KANSL1: variants seen among roughly 807,000 people sequenced by gnomAD.
The protein encoded by KANSL1 is MLL1/MLL complex subunit KANSL1.
In KANSL1, 22 loss-of-function variants were observed where a neutral mutation model predicts 103.6. The observed-to-expected ratio is 0.21, with a 90% CI of 0.15 to 0.30. The LOEUF (loss-of-function observed/expected upper bound fraction) is 0.30, where lower values mean the gene tolerates loss of function less well. KANSL1 is among the 10% of genes least tolerant of loss of function. The pLI is 1.00. For missense variants in KANSL1, 1,337 were observed against 1,399.8 expected, an observed-to-expected ratio of 0.96 and a Z score of 0.72; for synonymous variants, 600 against 527.6, an observed-to-expected ratio of 1.14 and a Z score of -1.88.
At chr17:46,051,716 T>C (rs940444277) in intron 6 of KANSL1, among the ~76,000 whole-genome samples, 4 of 152,282 alleles carry the variant, frequency 2.6e-5, no homozygotes, top group East Asian at 3.9e-4. Context: ...AGCTCAGTAG[T>C]AGAACAAAGA....
chr17:46,152,009 C>G (rs936354815), intron 2 of KANSL1, among the ~76,000 whole-genome samples: 4 of 152,008 alleles, frequency 2.6e-5, no homozygotes, highest in African/African-American at 9.7e-5. Context: ...GTGGTACAAC[C>G]ACAGGACTTC....
intron 4 of KANSL1, among the ~76,000 whole-genome samples, chr17:46,078,508 T>TCC (rs1332575795): frequency 1.3e-5 from 2 of 148,308 alleles, no homozygotes; most frequent in Non-Finnish European, 3.0e-5. Flanking sequence ...ACTATTCCCC[T>TCC]CCTTCAATTT....
chr17:46,113,633 G>A (rs141129239), intron 2 of KANSL1, among the ~76,000 whole-genome samples: 3 of 145,716 alleles, frequency 2.1e-5, no homozygotes, highest in Non-Finnish European at 4.5e-5. Flanking sequence ...TCATGAGTTG[G>A]ACTAAAAAAA....
At chr17:46,154,981 T>G (rs2045336598) in intron 2 of KANSL1, among the ~76,000 whole-genome samples, 1 of 152,158 alleles carries the variant, frequency 6.6e-6, no homozygotes, top group Non-Finnish European at 1.5e-5. Context: ...AATTTTAGTT[T>G]CCTTACCATA....
rs543051087 is a variant in KANSL1, at chr17:46,074,938, G to C, written c.1534-7271C>G. ...AAGTCAAAATCATGAACCCCCTGTG[G>C]TGTAGAGAAGGGTACAGTATCTTCT... On this transcript the variant is annotated intron_variant, in intron 4 of 14. Coordinates refer to ENST00000432791, the MANE Select transcript of KANSL1 (RefSeq NM_015443.4). 6.6e-5 allele frequency among the ~76,000 whole-genome samples: 10 copies of C among 152,202 alleles called. No homozygotes were observed. The East Asian group carries it at 1.9e-3, about 29-fold the overall frequency.
chr17:46,132,213 C>G (rs925714067), intron 2 of KANSL1, among the ~76,000 whole-genome samples: 2 of 152,124 alleles, frequency 1.3e-5, no homozygotes, highest in African/African-American at 4.8e-5. Flanking sequence ...AGAGAAAGGT[C>G]AGGGCAGTTT....
At chr17:46,190,024 C>T (rs909057286) in intron 1 of KANSL1, among the ~76,000 whole-genome samples, 1 of 152,148 alleles carries the variant, frequency 6.6e-6, no homozygotes, top group African/African-American at 2.4e-5. Flanking sequence ...AACCACAACA[C>T]CCCTATGTTT....
chr17:46,039,275 G>T, intron 8 of KANSL1, 60 bp from the exon 9 acceptor site: 6 of 1,461,910 alleles, frequency 4.1e-6, no homozygotes, highest in Non-Finnish European at 4.6e-6. Context: ...TTTCTTATTC[G>T]AGTTCCAAGC....
intron 3 of KANSL1, among the ~76,000 whole-genome samples, chr17:46,090,007 C>T (rs1187632437): frequency 6.6e-6 from 1 of 152,140 alleles, no homozygotes; most frequent in Non-Finnish European, 1.5e-5. Flanking sequence ...TGAATATGAC[C>T]TTGTTTAGAA....
chr17:46,056,571 G>GT (rs111853257), intron 6 of KANSL1, among the ~76,000 whole-genome samples: 21,654 of 152,134 alleles, frequency 0.14, 2,096 homozygotes, highest in Non-Finnish European at 0.22. Context: ...TTGTAAAACC[G>GT]TAAGTATAGC....
At chr17:46,185,235 G>C (rs1162850309) in intron 1 of KANSL1, among the ~76,000 whole-genome samples, 1 of 152,212 alleles carries the variant, frequency 6.6e-6, no homozygotes, top group Non-Finnish European at 1.5e-5. Flanking sequence ...AGCAACCTGA[G>C]CATTCTATGC....
intron 2 of KANSL1, among the ~76,000 whole-genome samples, chr17:46,110,667 C>G (rs1396786466): frequency 6.6e-6 from 1 of 152,072 alleles, no homozygotes; most frequent in Admixed American, 6.5e-5. Flanking sequence ...TGAAAAGATG[C>G]TGAAACAAAT....
intron 2 of KANSL1, among the ~76,000 whole-genome samples, chr17:46,122,928 T>G (rs1299784712): frequency 6.6e-6 from 1 of 152,216 alleles, no homozygotes; most frequent in Admixed American, 6.5e-5. Flanking sequence ...GTTTCCCTAT[T>G]CCCTGAAACA....
chr17:46,068,465 G>A (rs1257348821), intron 4 of KANSL1, among the ~76,000 whole-genome samples: 1 of 152,090 alleles, frequency 6.6e-6, no homozygotes, highest in Non-Finnish European at 1.5e-5. Flanking sequence ...TACTCAGGAG[G>A]CTGAGGTGGG....
chr17:46,033,347 A>G (rs2077062716), intron 12 of KANSL1, 56 bp downstream of exon 12: 1 of 1,551,550 alleles, frequency 6.4e-7, no homozygotes, highest in Non-Finnish European at 8.9e-7. Context: ...GTGCACTCAT[A>G]TGTATGTGTG....
chr17:46,031,806 C>CT, intron 14 of KANSL1, 103 bp from the exon 15 acceptor site: 1 of 1,164,838 alleles, frequency 8.6e-7, no homozygotes, highest in Non-Finnish European at 1.2e-6. Flanking sequence ...TAGGACCAGT[C>CT]TATCTAGTGT....
intron 2 of KANSL1, among the ~76,000 whole-genome samples, chr17:46,135,542 A>AT (rs34258265): frequency 0.011 from 1,288 of 119,018 alleles, 14 homozygotes; most frequent in African/African-American, 0.019. Context: ...TCAACTATAC[A>AT]TTTTTTTTTT....
chr17:46,139,686 G>A (rs1190499896), intron 2 of KANSL1, among the ~76,000 whole-genome samples: 1 of 152,128 alleles, frequency 6.6e-6, no homozygotes, highest in Non-Finnish European at 1.5e-5. Context: ...AAATGTGAAG[G>A]ATTATTACGT....
At chr17:46,079,461 G>A (rs1411996928) in intron 4 of KANSL1, among the ~76,000 whole-genome samples, 1 of 152,158 alleles carries the variant, frequency 6.6e-6, no homozygotes, top group Non-Finnish European at 1.5e-5. Context: ...AGTCTTACTG[G>A]ATGTTTATTT....
Sources: gnomAD v4.1 joint callset for allele counts (sites outside exome capture counted in the v4.1 genomes callset) on GRCh38, gnomAD v4.1.1 for gene constraint, MANE v1.5 for transcripts, NCBI Gene and HGNC (gene_info 2026-07-23, HGNC 2026-07-21) for gene names.